Variants in C10orf90 observed in about 807,000 individuals in gnomAD.
C10orf90 encodes (E2-independent) E3 ubiquitin-conjugating enzyme FATS.
C10orf90 carries 56 observed loss-of-function variants against 62.5 expected under a neutral mutation model. That is an observed-to-expected ratio of 0.90 (90% CI 0.72 to 1.12). The LOEUF is 1.12. Among genes scored for constraint, C10orf90 ranks in the 50% most tolerant of loss-of-function variants. The pLI is 0.00. For synonymous variants in C10orf90, 386 were observed against 340.4 expected (o/e 1.13, Z -1.47); for missense variants, 970 against 880.4 (o/e 1.10, Z -1.29).
chr10:126,554,444 A>T (rs1864713595), intron 2 of C10orf90, among the ~76,000 whole-genome samples: 1 of 152,162 alleles, frequency 6.6e-6, no homozygotes, highest in Admixed American at 6.5e-5. Flanking sequence ...GACATACTCT[A>T]TTTTGATTTG....
At chr10:126,645,167 C>G (rs530927500) in intron 2 of C10orf90, among the ~76,000 whole-genome samples, 1 of 148,706 alleles carries the variant, frequency 6.7e-6, no homozygotes. Context: ...TGCTAGATGA[C>G]GAGTTAGTGG....
intron 2 of C10orf90, among the ~76,000 whole-genome samples, chr10:126,517,535 G>A (rs1320910841): frequency 6.6e-6 from 1 of 152,104 alleles, no homozygotes; most frequent in Non-Finnish European, 1.5e-5. Flanking sequence ...CCAGCTATTG[G>A]GAGAGTGACT....
At chr10:126,638,562 C>T (rs1005651320) in intron 2 of C10orf90, among the ~76,000 whole-genome samples, 16 of 152,140 alleles carry the variant, frequency 1.1e-4, no homozygotes, top group Non-Finnish European at 1.9e-4. Flanking sequence ...TTCTCTCTCC[C>T]CCTGCCAGGC....
chr10:126,631,000 C>T (rs1286167071), intron 2 of C10orf90, among the ~76,000 whole-genome samples: 3 of 152,204 alleles, frequency 2.0e-5, no homozygotes, highest in Non-Finnish European at 2.9e-5. Flanking sequence ...TACTCACTCA[C>T]ATGTACACCC....
intron 2 of C10orf90, among the ~76,000 whole-genome samples, chr10:126,608,929 A>C (rs1845372427): frequency 6.6e-6 from 1 of 152,174 alleles, no homozygotes; most frequent in Admixed American, 6.5e-5. Flanking sequence ...TGTAAACAAA[A>C]ACTCTTCGGG....
intron 1 of C10orf90, among the ~76,000 whole-genome samples, chr10:126,655,717 T>C (rs1846379911): frequency 6.6e-6 from 1 of 152,150 alleles, no homozygotes; most frequent in Non-Finnish European, 1.5e-5. Context: ...TACACTGAAG[T>C]TACTCTGACT....
chr10:126,630,613 C>T (rs1028059133), intron 2 of C10orf90, among the ~76,000 whole-genome samples: 4 of 152,284 alleles, frequency 2.6e-5, no homozygotes, highest in East Asian at 3.9e-4. Context: ...TCACCCAGTG[C>T]TGTCTGTGGC....
chr10:126,536,478 G>GAA (rs2133961922), intron 2 of C10orf90, among the ~76,000 whole-genome samples: 1 of 152,228 alleles, frequency 6.6e-6, no homozygotes, highest in East Asian at 1.9e-4. Context: ...GTTCCTTGGC[G>GAA]GAAAGATCCC....
At position 126,483,857 on chromosome 10, in the gene C10orf90, T is replaced by C. The variant is rs115396743; in HGVS notation, c.1535-18871A>G. 1.0e-3 allele frequency among the ~76,000 whole-genome samples: 154 copies of C among 152,256 alleles called. 2 individuals are homozygous for C. The highest frequency in any genetic ancestry group is 3.6e-3 in the African/African-American group (149 of 41,556). On this transcript the variant is annotated intron_variant, in intron 4 of 9. Transcript: ENST00000488181. ...CATCAAGTTCACGGTGATCCAAGAA[T>C]GGGTTCTGTTTGTCATTCTCCAAGA...
intron 4 of C10orf90, among the ~76,000 whole-genome samples, chr10:126,480,421 G>A (rs917874089): frequency 7.9e-5 from 12 of 152,180 alleles, no homozygotes; most frequent in African/African-American, 2.7e-4. Context: ...TTCCATGTAG[G>A]ACCATTTCAT....
In C10orf90 at chr10:126,668,020, G is replaced by C. The variant is rs564853067; in HGVS notation, c.240+2221C>G. ...GAAGGAAGTCTATGTAAAGGTATGC[G>C]TGTGGCTGGATCATCCCTGGGCTGC... On this transcript the variant is annotated intron_variant, in intron 1 of 9. Transcript: ENST00000488181. Among the ~76,000 whole-genome samples the C allele has an allele frequency of 2.0e-5, 3 of 152,252 alleles. No homozygotes were observed. In the South Asian group the frequency reaches 6.2e-4, roughly 32 times the overall value.
intron 4 of C10orf90, among the ~76,000 whole-genome samples, chr10:126,482,993 C>T (rs965351778): frequency 2.0e-5 from 3 of 152,200 alleles, no homozygotes; most frequent in Admixed American, 2.0e-4. Context: ...ATACACAACA[C>T]CCAGATATTC....
chr10:126,495,359 A>T (rs953355481), intron 4 of C10orf90, among the ~76,000 whole-genome samples: 2 of 152,090 alleles, frequency 1.3e-5, no homozygotes, highest in African/African-American at 4.8e-5. Context: ...TGTCTGATGC[A>T]CCTCTCTGGT....
chr10:126,508,091 G>A (rs972003328), intron 3 of C10orf90, among the ~76,000 whole-genome samples: 1 of 151,090 alleles, frequency 6.6e-6, no homozygotes, highest in Non-Finnish European at 1.5e-5. Flanking sequence ...TATTTTATAG[G>A]GCAATGTTTC....
chr10:126,447,604 T>G (rs1258320795), intron 7 of C10orf90, among the ~76,000 whole-genome samples: 5 of 152,168 alleles, frequency 3.3e-5, no homozygotes, highest in African/African-American at 1.2e-4. Context: ...AGTATCTCAC[T>G]TTCAGCAATG....
At chr10:126,461,198 A>AG (rs1325176079) in intron 6 of C10orf90, among the ~76,000 whole-genome samples, 1 of 152,210 alleles carries the variant, frequency 6.6e-6, no homozygotes, top group Non-Finnish European at 1.5e-5. Flanking sequence ...TCTAACCTGG[A>AG]GGAGTCAGTG....
chr10:126,610,950 TTTTA>T (rs1845419750), intron 2 of C10orf90, among the ~76,000 whole-genome samples: 1 of 152,214 alleles, frequency 6.6e-6, no homozygotes, highest in Non-Finnish European at 1.5e-5. Context: ...TTTTTTTGTC[TTTTA>T]TTTATGTTTT....
At chr10:126,500,364 C>A (rs1311816512) in intron 4 of C10orf90, among the ~76,000 whole-genome samples, 1 of 152,122 alleles carries the variant, frequency 6.6e-6, no homozygotes, top group Non-Finnish European at 1.5e-5. Flanking sequence ...TTGGGCAAAT[C>A]ATTTAATCTT....
chr10:126,580,423 A>AAT (rs2134014880), intron 2 of C10orf90, among the ~76,000 whole-genome samples: 1 of 152,272 alleles, frequency 6.6e-6, no homozygotes, highest in African/African-American at 2.4e-5. Context: ...TGGGAGCCCG[A>AAT]GGCAGGTGGA....
Sources: gnomAD v4.1 joint callset for allele counts (sites outside exome capture counted in the v4.1 genomes callset) on GRCh38, gnomAD v4.1.1 for gene constraint, MANE v1.5 for transcripts, NCBI Gene and HGNC (gene_info 2026-07-23, HGNC 2026-07-21) for gene names.